XPO1: variants seen among roughly 807,000 people sequenced by gnomAD.
XPO1 encodes exportin 1.
XPO1 carries 5 observed loss-of-function variants against 133.3 expected under a neutral mutation model. The ratio of observed to expected loss-of-function variants is 0.04; its 90% confidence interval spans 0.02 to 0.08. The LOEUF (loss-of-function observed/expected upper bound fraction) is 0.08. Among genes scored for constraint, XPO1 ranks in the 10% least tolerant of loss-of-function variants. The pLI is 1.00. For missense variants in XPO1, 506 were observed against 1,267.5 expected (o/e 0.40, Z 9.12); for synonymous variants, 419 against 408.2 (o/e 1.03, Z -0.32).
intron 17 of XPO1, among the ~76,000 whole-genome samples, chr2:61,488,995 G>A (rs1696830535): frequency 6.6e-6 from 1 of 152,110 alleles, no homozygotes; most frequent in African/African-American, 2.4e-5. Context: ...CCACCTACTC[G>A]GGAGGTTGAG....
chr2:61,537,238 CAGGGGCTGGGG>C (rs1699392397), intron 1 of XPO1: 1 of 151,876 alleles, frequency 6.6e-6, no homozygotes, highest in African/African-American at 2.4e-5. Context: ...TCCCCAGCCC[CAGGGGCTGGGG>C]AACCCCTCCC....
At chr2:61,506,697 A>G (rs1227034944) in intron 4 of XPO1, among the ~76,000 whole-genome samples, 4 of 151,986 alleles carry the variant, frequency 2.6e-5, no homozygotes, top group Admixed American at 2.6e-4. Flanking sequence ...AAATAAATAA[A>G]TAAATAAATA....
chr2:61,497,261 G>C (rs1697284530), intron 9 of XPO1, among the ~76,000 whole-genome samples: 1 of 152,144 alleles, frequency 6.6e-6, no homozygotes. Flanking sequence ...CGCCCAGGCT[G>C]AAATGCAGGG....
At chr2:61,519,627 A>C (rs1333785188) in intron 4 of XPO1, among the ~76,000 whole-genome samples, 1 of 137,110 alleles carries the variant, frequency 7.3e-6, no homozygotes, top group East Asian at 2.3e-4. Context: ...TGAACCCAGG[A>C]GGTGGAGCTT....
chr2:61,507,116 T>C (rs993841977), intron 4 of XPO1, among the ~76,000 whole-genome samples: 5 of 151,734 alleles, frequency 3.3e-5, no homozygotes, highest in East Asian at 1.9e-4. Context: ...CGTGGTGGCA[T>C]GCGCCTGTAG....
chr2:61,507,102 TG>T (rs1697860210), intron 4 of XPO1, among the ~76,000 whole-genome samples: 1 of 151,658 alleles, frequency 6.6e-6, no homozygotes, highest in Non-Finnish European at 1.5e-5. Context: ...AAAATTTAGC[TG>T]GGCGTGGTGG....
At chr2:61,528,114 A>G (rs919209357) in intron 2 of XPO1, among the ~76,000 whole-genome samples, 2 of 151,748 alleles carry the variant, frequency 1.3e-5, no homozygotes, top group Non-Finnish European at 2.9e-5. Context: ...TTCAGTAGAG[A>G]CAGGGTTTCA....
intron 4 of XPO1, among the ~76,000 whole-genome samples, chr2:61,514,616 G>T (rs1375219319): frequency 9.7e-5 from 14 of 143,990 alleles, no homozygotes; most frequent in Non-Finnish European, 1.5e-5. Context: ...AAAAAAGAAA[G>T]AAATTAAAAC....
At chr2:61,494,156 C>T (rs1211746504) in intron 11 of XPO1, 65 bp from the exon 12 acceptor site, 4 of 1,402,722 alleles carry the variant, frequency 2.9e-6, no homozygotes, top group Non-Finnish European at 3.9e-6. Context: ...TTGCTTTTCA[C>T]TTGTTACACC....
At chr2:61,532,012 G>C (rs1699175634) in intron 2 of XPO1, among the ~76,000 whole-genome samples, 3 of 152,272 alleles carry the variant, frequency 2.0e-5, no homozygotes, top group South Asian at 4.1e-4. Flanking sequence ...TAAGGGAATG[G>C]AAACATTTAT....
intron 2 of XPO1, among the ~76,000 whole-genome samples, chr2:61,532,018 T>G (rs1400099935): frequency 1.3e-5 from 2 of 152,252 alleles, no homozygotes; most frequent in African/African-American, 2.4e-5. Flanking sequence ...AATGGAAACA[T>G]TTATACATGA....
At chr2:61,516,446 C>G (rs1698394980) in intron 4 of XPO1, among the ~76,000 whole-genome samples, 1 of 151,900 alleles carries the variant, frequency 6.6e-6, no homozygotes, top group African/African-American at 2.4e-5. Context: ...CTGAGTTTCG[C>G]TCTTGGTGCC....
chr2:61,524,640 T>C (rs1053957987), intron 3 of XPO1, among the ~76,000 whole-genome samples: 1 of 152,210 alleles, frequency 6.6e-6, no homozygotes, highest in African/African-American at 2.4e-5. Context: ...AAAATGTTAT[T>C]TGGGGCCAGG....
intron 4 of XPO1, among the ~76,000 whole-genome samples, chr2:61,505,093 C>T (rs1697732086): frequency 1.3e-5 from 2 of 152,210 alleles, no homozygotes; most frequent in Admixed American, 1.3e-4. Context: ...TCACTGCAGC[C>T]TTGAACTTCT....
chr2:61,494,496 T>TG (rs1323579477), intron 11 of XPO1: 2 of 165,702 alleles, frequency 1.2e-5, no homozygotes, highest in African/African-American at 4.8e-5. Context: ...GGTTACAACA[T>TG]GGAAGAACAT....
intron 3 of XPO1, chr2:61,525,163 T>C (rs542719823): frequency 8.4e-6 from 5 of 592,684 alleles, no homozygotes; most frequent in African/African-American, 2.0e-5. Context: ...ACTGAGCCCT[T>C]AGAAATACTT....
chr2:61,498,554 G>A (rs1697352626), intron 9 of XPO1, 119 bp downstream of exon 9: 1 of 1,311,240 alleles, frequency 7.6e-7, no homozygotes, highest in East Asian at 2.4e-5. Flanking sequence ...CTCCTGAGCA[G>A]CGTCCTCGTG....
intron 24 of XPO1, among the ~76,000 whole-genome samples, chr2:61,480,874 T>TA (rs1296329928): frequency 2.0e-5 from 3 of 152,084 alleles, no homozygotes; most frequent in Non-Finnish European, 4.4e-5. Context: ...AAAATTGGTA[T>TA]AAAATTATAA....
chr2:61,488,316 A>C, intron 18 of XPO1, 45 bp from the exon 19 acceptor site: 7 of 1,540,250 alleles, frequency 4.5e-6, no homozygotes, highest in Non-Finnish European at 5.4e-6. Context: ...CACTAAACTT[A>C]TACAGTGGTA....
Sources: allele counts gnomAD v4.1 joint callset (sites outside exome capture counted in the v4.1 genomes callset), GRCh38; gene constraint gnomAD v4.1.1; transcripts MANE v1.5; gene names NCBI Gene and HGNC (gene_info 2026-07-23, HGNC 2026-07-21).